The following NLGN4X variants were observed in gnomAD, a reference collection of about 807,000 sequenced individuals.
NLGN4X encodes neuroligin-4, X-linked.
A neutral mutation model predicts 40.3 loss-of-function variants in NLGN4X; 3 were observed. That is an observed-to-expected ratio of 0.07 (90% CI 0.03 to 0.19). The LOEUF (loss-of-function observed/expected upper bound fraction) is 0.19, where lower values mean the gene tolerates loss of function less well. NLGN4X is among the 10% of genes least tolerant of loss of function. The pLI, the probability that NLGN4X is intolerant of heterozygous loss-of-function variation, is 1.00. For missense variants in NLGN4X, 382 were observed against 708.3 expected, an observed-to-expected ratio of 0.54 and a Z score of 5.23; for synonymous variants, 270 against 306.8, an observed-to-expected ratio of 0.88 and a Z score of 1.25.
At chrX:5,970,757 T>A (rs1465139841) in intron 3 of NLGN4X, among the ~76,000 whole-genome samples, 1 of 112,006 alleles carries the variant, frequency 8.9e-6, no homozygotes, top group Admixed American at 9.5e-5. Context: ...TTCAACCTGA[T>A]ACAGTGTTGT....
At chrX:6,204,224 T>A (rs1923852139) in intron 1 of NLGN4X, among the ~76,000 whole-genome samples, 1 of 112,434 alleles carries the variant, frequency 8.9e-6, no homozygotes, top group African/African-American at 3.2e-5. Context: ...GACCTTCGTT[T>A]GAGAAGCCAT....
In NLGN4X at chrX:6,078,147, T is replaced by C. The variant is rs745642849; in HGVS notation, c.473-48715A>G. Among the ~76,000 whole-genome samples the C allele has an allele frequency of 4.5e-5, 5 of 111,710 alleles. No individual in the cohort carries two copies. The East Asian group carries it at 1.4e-3, about 32-fold the overall frequency. On this transcript the variant is annotated intron_variant, in intron 2 of 5. Coordinates refer to ENST00000381095, the MANE Select transcript of NLGN4X (RefSeq NM_181332.3). ...TCTCAAAGATCCTCATAACCCACAT[T>C]AGATGTTATCGTTGCTTCATTTCCC...
At chrX:6,122,149 C>T (rs898228027) in intron 2 of NLGN4X, among the ~76,000 whole-genome samples, 1 of 112,229 alleles carries the variant, frequency 8.9e-6, no homozygotes, top group Non-Finnish European at 1.9e-5. Flanking sequence ...GAAATTAGAA[C>T]TCGAGTTCCA....
intron 2 of NLGN4X, among the ~76,000 whole-genome samples, chrX:6,083,194 A>G (rs5916293): frequency 0.42 from 41,299 of 98,062 alleles, 8,069 homozygotes; most frequent in Admixed American, 0.45. Context: ...TCCTGACCTC[A>G]TGATCCGCCT....
chrX:6,065,515 G>A (rs752116618), intron 2 of NLGN4X, among the ~76,000 whole-genome samples: 4 of 111,164 alleles, frequency 3.6e-5, no homozygotes, highest in Non-Finnish European at 7.5e-5. Context: ...CTATGAAACC[G>A]AACTGCATAT....
chrX:6,178,657 G>A (rs924938573), intron 1 of NLGN4X, among the ~76,000 whole-genome samples: 1 of 112,358 alleles, frequency 8.9e-6, no homozygotes, highest in African/African-American at 3.2e-5. Flanking sequence ...AGTGAACAAT[G>A]AATATTTCAC....
intron 3 of NLGN4X, among the ~76,000 whole-genome samples, chrX:5,945,936 G>A (rs1348405281): frequency 1.8e-5 from 2 of 111,567 alleles, no homozygotes; most frequent in African/African-American, 6.5e-5. Context: ...AAGCACATGG[G>A]CAGAATATTC....
chrX:5,939,242 C>T (rs1023463350), intron 3 of NLGN4X, among the ~76,000 whole-genome samples: 1 of 110,996 alleles, frequency 9.0e-6, no homozygotes, highest in Non-Finnish European at 1.9e-5. Context: ...ATTTGTAAAA[C>T]ACTGCATGTG....
rs189682968 is a variant in NLGN4X at position 6,158,941 on chromosome X, C to G, written c.-305-7170G>C. 5.6e-4 allele frequency among the ~76,000 whole-genome samples: 62 copies of G among 111,466 alleles called. No individual in the cohort carries two copies. The East Asian group carries it at 0.017, about 30-fold the overall frequency. ...GTTAGTTTGCTGAGGATAAATAAGC[C>G]CCAATTATAATTGCAAAAAATATTG... On this transcript the variant is annotated intron_variant, in intron 1 of 5. Coordinates refer to ENST00000381095, the MANE Select transcript of NLGN4X (RefSeq NM_181332.3).
chrX:5,988,744 T>C (rs1048638743), intron 3 of NLGN4X, among the ~76,000 whole-genome samples: 5 of 112,715 alleles, frequency 4.4e-5, no homozygotes, highest in African/African-American at 1.6e-4. Context: ...GCTCAATGCA[T>C]TTTGATTTTC....
chrX:6,059,939 T>C (rs778327630), intron 2 of NLGN4X, among the ~76,000 whole-genome samples: 25 of 112,101 alleles, frequency 2.2e-4, no homozygotes, highest in Non-Finnish European at 4.1e-4. Context: ...CATAATTATA[T>C]AGCTGCCTTC....
At chrX:6,164,826 G>A (rs2040467350) in intron 1 of NLGN4X, among the ~76,000 whole-genome samples, 1 of 111,779 alleles carries the variant, frequency 8.9e-6, no homozygotes. Flanking sequence ...GTTTTAGGCA[G>A]ACGGCTCTAT....
intron 3 of NLGN4X, among the ~76,000 whole-genome samples, chrX:6,010,255 A>T (rs1252593513): frequency 9.1e-6 from 1 of 109,578 alleles, no homozygotes; most frequent in East Asian, 2.9e-4. Flanking sequence ...TTTGCTGCCT[A>T]GTTAGTGTTG....
rs913188097 is a variant in NLGN4X, at chrX:6,077,296, CTGTG to C, written c.473-47868_473-47865del. Among the ~76,000 whole-genome samples the C allele has an allele frequency of 6.7e-5, 6 of 88,912 alleles. No individual in the cohort carries two copies. The East Asian group carries it at 9.9e-4, about 15-fold the overall frequency. 77.2% of individuals were successfully genotyped at this position (88,912 alleles called of 115,157 possible). ...TGTGTGTGTGTGTGTGTGTGTGTGT[CTGTG>C]TGTGTGTGTGGTGTGTGTGTGTGTG... On this transcript the variant is annotated intron_variant, in intron 2 of 5. Transcript: ENST00000381095.
At chrX:6,225,668 CTTTTTTTTCTTTCTTTTTTTCTTT>C (rs1926152822) in intron 1 of NLGN4X, among the ~76,000 whole-genome samples, 8 of 31,488 alleles carry the variant, frequency 2.5e-4, no homozygotes, top group Admixed American at 7.3e-4. Flanking sequence ...TTTTCTTTTC[CTTTTTTTTCTTTCTTTTTTTCTTT>C]TTTTTTTTTT....
rs1054006672 is a variant in NLGN4X, at chrX:5,891,909, G to A, written c.*908C>T. ...CACACAGACCGTCTGGGTCTTCTGT[G>A]GGACATCACATCCTCCTACAAATGA... On this transcript the variant is annotated 3_prime_UTR_variant, in exon 6 of 6. Coordinates refer to ENST00000381095, the MANE Select transcript of NLGN4X (RefSeq NM_181332.3). The A allele has an allele frequency of 3.5e-5, 5 of 141,348 alleles. No individual in the cohort carries two copies. Among genetic ancestry groups the A allele is most frequent in the Non-Finnish European group, 5.5e-5 (4 of 73,329 alleles). The allele number at this position is 141,348 out of a possible 1,213,427, so 11.6% of individuals were successfully genotyped here.
intron 1 of NLGN4X, among the ~76,000 whole-genome samples, chrX:6,203,915 G>T (rs1923831040): frequency 8.9e-6 from 1 of 112,587 alleles, no homozygotes; most frequent in Admixed American, 9.4e-5. Flanking sequence ...TGGAAAACAA[G>T]ATTCTGTGCT....
intron 3 of NLGN4X, among the ~76,000 whole-genome samples, chrX:5,946,708 T>C (rs1055342419): frequency 9.0e-6 from 1 of 111,323 alleles, no homozygotes; most frequent in African/African-American, 3.3e-5. Flanking sequence ...GGTTCAGGGG[T>C]GCATGTGCAG....
chrX:6,160,633 T>A (rs958465260), intron 1 of NLGN4X, among the ~76,000 whole-genome samples: 2 of 108,578 alleles, frequency 1.8e-5, no homozygotes, highest in African/African-American at 6.7e-5. Context: ...CGGATTATCT[T>A]GCCTCAGCCT....
Sources: allele counts gnomAD v4.1 joint callset (sites outside exome capture counted in the v4.1 genomes callset), GRCh38; gene constraint gnomAD v4.1.1; transcripts MANE v1.5; gene names NCBI Gene and HGNC (gene_info 2026-07-23, HGNC 2026-07-21).